FGGY: variants seen among roughly 807,000 people sequenced by gnomAD.
FGGY encodes the protein FGGY carbohydrate kinase domain-containing protein.
A neutral mutation model predicts 71.3 loss-of-function variants in FGGY; 72 were observed. The ratio of observed to expected loss-of-function variants is 1.01; its 90% confidence interval spans 0.84 to 1.23. FGGY has a LOEUF of 1.23. Ranked by LOEUF, FGGY falls within the 50% of genes most tolerant of loss-of-function variation. The pLI is 0.00. For missense variants in FGGY, 668 were observed against 682.3 expected (o/e 0.98, Z 0.23); for synonymous variants, 251 against 250.3 (o/e 1.00, Z -0.02).
At chr1:59,541,433 A>G (rs944685126) in intron 7 of FGGY, among the ~76,000 whole-genome samples, 2 of 151,964 alleles carry the variant, frequency 1.3e-5, no homozygotes, top group African/African-American at 4.8e-5. Flanking sequence ...CCAGGCCTGT[A>G]CAGAGCTGGA....
intron 7 of FGGY, among the ~76,000 whole-genome samples, chr1:59,527,883 A>G (rs1331343646): frequency 6.6e-6 from 1 of 152,228 alleles, no homozygotes; most frequent in Non-Finnish European, 1.5e-5. Context: ...AGAATGACTT[A>G]TAGGTTTTTT....
intron 5 of FGGY, among the ~76,000 whole-genome samples, chr1:59,417,911 G>A (rs1203322929): frequency 6.6e-6 from 1 of 152,192 alleles, no homozygotes; most frequent in Non-Finnish European, 1.5e-5. Flanking sequence ...CAGTTGCTGT[G>A]TGTGGATAGT....
intron 8 of FGGY, among the ~76,000 whole-genome samples, chr1:59,597,659 A>C (rs2096537225): frequency 1.3e-5 from 2 of 152,302 alleles, no homozygotes; most frequent in South Asian, 4.1e-4. Flanking sequence ...ACTGTGCCAC[A>C]TTTAATCTTT....
In FGGY at chr1:59,561,382, A is replaced by G. The variant is rs116790751; in HGVS notation, c.903+7155A>G. Among the ~76,000 whole-genome samples, 1,290 of 152,296 alleles carry G rather than the reference A, an allele frequency of 8.5e-3. 20 individuals are homozygous for G. The highest frequency in any genetic ancestry group is 0.03 in the African/African-American group (1,244 of 41,556). ...AGACTGCATGTTTTGAAAACAAAGT[A>G]TATGCTAGGCATTGATTCGGCGAGG... is the stretch of plus-strand genomic sequence containing the variant. On this transcript the variant is annotated intron_variant, in intron 8 of 15. Transcript: ENST00000303721.
intron 6 of FGGY, among the ~76,000 whole-genome samples, chr1:59,462,861 G>C (rs981480370): frequency 2.0e-5 from 3 of 151,740 alleles, no homozygotes; most frequent in Non-Finnish European, 4.4e-5. Context: ...CTGTTGGTGG[G>C]ACTGTAAACT....
intron 14 of FGGY, among the ~76,000 whole-genome samples, chr1:59,683,606 C>T (rs2097522825): frequency 6.6e-6 from 1 of 152,140 alleles, no homozygotes; most frequent in Non-Finnish European, 1.5e-5. Context: ...TGTCTGTTGC[C>T]ATCTCTTTTT....
intron 6 of FGGY, among the ~76,000 whole-genome samples, chr1:59,500,349 G>C (rs1353862168): frequency 6.6e-6 from 1 of 152,068 alleles, no homozygotes; most frequent in Admixed American, 6.6e-5. Flanking sequence ...ATTCCAGCTT[G>C]TTAGGCATGA....
chr1:59,401,897 G>T (rs2062013955), intron 5 of FGGY, among the ~76,000 whole-genome samples: 1 of 152,222 alleles, frequency 6.6e-6, no homozygotes, highest in Admixed American at 6.5e-5. Flanking sequence ...GAATGGGGGA[G>T]AGTGGGGCCT....
intron 8 of FGGY, among the ~76,000 whole-genome samples, chr1:59,568,491 AT>A (rs960055464): frequency 2.8e-4 from 42 of 151,548 alleles, no homozygotes; most frequent in African/African-American, 1.0e-3. Flanking sequence ...ATTGTATTAC[AT>A]CCCCCCAGTG....
intron 5 of FGGY, among the ~76,000 whole-genome samples, chr1:59,397,036 CTTTT>C (rs59388353): frequency 2.1e-5 from 3 of 142,790 alleles, no homozygotes; most frequent in African/African-American, 7.6e-5. Flanking sequence ...CTTGAGTCTG[CTTTT>C]TTTTTTTTTT....
intron 14 of FGGY, among the ~76,000 whole-genome samples, chr1:59,752,607 A>G (rs2098255333): frequency 1.3e-5 from 2 of 152,174 alleles, no homozygotes; most frequent in African/African-American, 4.8e-5. Context: ...GTACTGAAGA[A>G]CCCATGGCTT....
At chr1:59,585,857 A>G (rs1031542578) in intron 8 of FGGY, among the ~76,000 whole-genome samples, 2 of 152,250 alleles carry the variant, frequency 1.3e-5, no homozygotes, top group African/African-American at 2.4e-5. Context: ...GGTGAAGGAT[A>G]TGAACAGACA....
intron 8 of FGGY, among the ~76,000 whole-genome samples, chr1:59,585,837 T>G (rs2096276167): frequency 6.6e-6 from 1 of 151,786 alleles, no homozygotes; most frequent in African/African-American, 2.4e-5. Flanking sequence ...AAAAACCCCA[T>G]CAACAATTGG....
In FGGY at chr1:59,697,586, A is replaced by G. The variant is rs75974629; in HGVS notation, c.1512+23453A>G. On this transcript the variant is annotated intron_variant, in intron 14 of 15. Transcript: ENST00000303721. ...ATAGCTTGTTCTCTGTGATCTGCTG[A>G]TTATAACCATCGTCGCTGTGAAGAC... 2.0e-3 allele frequency: 1,972 copies of G among 963,700 alleles called. 21 individuals are homozygous for G. The African/African-American group carries it at 0.028, about 13-fold the overall frequency. The allele number at this position is 963,700 out of a possible 1,614,324, so 59.7% of individuals were successfully genotyped here.
chr1:59,318,294 T>C (rs2045806005), intron 1 of FGGY, among the ~76,000 whole-genome samples: 1 of 152,220 alleles, frequency 6.6e-6, no homozygotes. Context: ...CCTTTTTTTA[T>C]TTCCCCAGTG....
At chr1:59,651,184 T>G (rs1366803403) in intron 11 of FGGY, among the ~76,000 whole-genome samples, 1 of 152,092 alleles carries the variant, frequency 6.6e-6, no homozygotes, top group Non-Finnish European at 1.5e-5. Context: ...TGTGGTCAAT[T>G]TTGGAATAGG....
intron 6 of FGGY, among the ~76,000 whole-genome samples, chr1:59,501,028 A>G (rs549092320): frequency 1.2e-4 from 18 of 152,344 alleles, no homozygotes; most frequent in Non-Finnish European, 1.5e-4. Flanking sequence ...GGCATTGTAT[A>G]GTTAACACCA....
At chr1:59,545,299 T>C (rs2095503888) in intron 7 of FGGY, among the ~76,000 whole-genome samples, 1 of 152,224 alleles carries the variant, frequency 6.6e-6, no homozygotes, top group South Asian at 2.1e-4. Flanking sequence ...CAGTATTTGA[T>C]CTATTTAAGG....
chr1:59,517,066 G>A (rs1460330471), intron 7 of FGGY, among the ~76,000 whole-genome samples: 1 of 152,142 alleles, frequency 6.6e-6, no homozygotes, highest in Non-Finnish European at 1.5e-5. Context: ...ACAGTCAGAA[G>A]ATAGGAGTAG....
Sources: gnomAD v4.1 joint callset for allele counts (sites outside exome capture counted in the v4.1 genomes callset) on GRCh38, gnomAD v4.1.1 for gene constraint, MANE v1.5 for transcripts, NCBI Gene and HGNC (gene_info 2026-07-23, HGNC 2026-07-21) for gene names.